Variants in DCAF6 observed in about 807,000 individuals in gnomAD.
The protein encoded by DCAF6 is DDB1- and CUL4-associated factor 6.
A neutral mutation model predicts 125.1 loss-of-function variants in DCAF6; 54 were observed. The observed-to-expected ratio is 0.43, with a 90% confidence interval of 0.35 to 0.54. The LOEUF is 0.54. Ranked by LOEUF, DCAF6 falls within the 20% of genes least tolerant of loss-of-function variation. The pLI is 0.01. For synonymous variants in DCAF6, 371 were observed against 390.4 expected (o/e 0.95, Z 0.58); for missense variants, 934 against 1,161.7 (o/e 0.80, Z 2.85).
At chr1:167,890,260 T>C in the DCAF6 span, among the ~76,000 whole-genome samples, 1 of 152,386 alleles carries the variant, frequency 6.6e-6, no homozygotes, top group South Asian at 2.1e-4. Context: ...CATATCTATA[T>C]TACAGAGCAC....
intron 14 of DCAF6, among the ~76,000 whole-genome samples, 155 bp from the exon 15 acceptor site, chr1:168,044,430 T>C (rs1688907681): frequency 6.6e-6 from 1 of 152,150 alleles, no homozygotes; most frequent in Non-Finnish European, 1.5e-5. Context: ...TAGAGATAAT[T>C]TACAGTATAA....
chr1:168,032,585 CAT>C (rs1687242775), intron 12 of DCAF6, among the ~76,000 whole-genome samples: 1 of 152,070 alleles, frequency 6.6e-6, no homozygotes, highest in South Asian at 2.1e-4. Context: ...AATATTTCAC[CAT>C]ATGTTTTATT....
chr1:167,967,499 AGT>A (rs957695797), intron 3 of DCAF6, among the ~76,000 whole-genome samples: 1 of 152,176 alleles, frequency 6.6e-6, no homozygotes, highest in African/African-American at 2.4e-5. Context: ...ATAAAAAGAA[AGT>A]GTGTGATGTT....
intron 4 of DCAF6, among the ~76,000 whole-genome samples, chr1:167,982,305 G>A (rs1679308890): frequency 6.6e-6 from 1 of 152,004 alleles, no homozygotes; most frequent in African/African-American, 2.4e-5. Context: ...GCAGTGGTGC[G>A]ATCTCGGCTC....
At chr1:167,905,573 C>A in the DCAF6 span, among the ~76,000 whole-genome samples, 1 of 150,876 alleles carries the variant, frequency 6.6e-6, no homozygotes. Flanking sequence ...CTCTCTCTAC[C>A]TTGGTCTTTT....
intron 21 of DCAF6, among the ~76,000 whole-genome samples, chr1:168,073,951 T>G (rs1693454759): frequency 6.7e-6 from 1 of 148,582 alleles, no homozygotes; most frequent in Non-Finnish European, 1.5e-5. Flanking sequence ...GTTCATTTAT[T>G]TTATAAATAT....
chr1:167,941,118 C>T (rs1672167767), intron 1 of DCAF6, among the ~76,000 whole-genome samples: 1 of 151,930 alleles, frequency 6.6e-6, no homozygotes, highest in Non-Finnish European at 1.5e-5. Flanking sequence ...TGACTTTTGC[C>T]TCTTTTTTTA....
intron 7 of DCAF6, among the ~76,000 whole-genome samples, chr1:167,996,678 A>G (rs1365615112): frequency 1.3e-5 from 2 of 152,116 alleles, no homozygotes; most frequent in Non-Finnish European, 2.9e-5. Context: ...AAGATCTTAT[A>G]TTATCTGGTC....
chr1:167,911,532 C>T, the DCAF6 span, among the ~76,000 whole-genome samples: 2 of 152,176 alleles, frequency 1.3e-5, no homozygotes, highest in Non-Finnish European at 2.9e-5. Context: ...CTACCTTTGC[C>T]TCTTTTAAAA....
rs142337092 is a variant in DCAF6, at chr1:167,951,776, A to G, written c.98-24A>G. On this transcript the variant is annotated intron_variant, in intron 1 of 21. Coordinates refer to ENST00000367840, the MANE Select transcript of DCAF6 (RefSeq NM_001198956.2). Reference sequence around the variant, plus strand: ...TTCTCAGTATTTGTGTGATTTATTTAATTTGTTCTTTCTTTTTAAACAGGA... The same window carrying G: ...TTCTCAGTATTTGTGTGATTTATTTGATTTGTTCTTTCTTTTTAAACAGGA... 1.6e-4 allele frequency: 225 copies of G among 1,439,002 alleles called. No homozygotes were observed. In the East Asian group the frequency reaches 4.2e-3, roughly 27 times the overall value. 89.1% of individuals were successfully genotyped at this position (1,439,002 alleles called of 1,614,324 possible).
chr1:168,015,314 C>G (rs1571946894), intron 10 of DCAF6, among the ~76,000 whole-genome samples: 1 of 150,412 alleles, frequency 6.6e-6, no homozygotes, highest in Admixed American at 6.6e-5. Flanking sequence ...TAGAGCTCTT[C>G]TCAATAAATT....
At position 167,951,780 on chromosome 1, in the gene DCAF6, T is replaced by A. The variant is rs1571627414; in HGVS notation, c.98-20T>A. ...CAGTATTTGTGTGATTTATTTAATT[T>A]GTTCTTTCTTTTTAAACAGGAAGAA... is the stretch of plus-strand genomic sequence containing the variant. On this transcript the variant is annotated intron_variant, in intron 1 of 21. Coordinates refer to ENST00000367840, the MANE Select transcript of DCAF6 (RefSeq NM_001198956.2). 2 of 1,472,326 alleles carry A rather than the reference T, an allele frequency of 1.4e-6. No individual in the cohort carries two copies. The highest frequency in any genetic ancestry group is 3.5e-4 in the Middle Eastern group (2 of 5,660). The allele number at this position is 1,472,326 out of a possible 1,614,324, so 91.2% of individuals were successfully genotyped here.
chr1:167,963,169 C>T lies in DCAF6; in HGVS notation c.160-3460C>T, dbSNP rs189732286. ...ATCCCAGCTACTCGGGAGGCTGAGG[C>T]GGGAGAATCGCTTGAACTCAGGAGG... On this transcript the variant is annotated intron_variant, in intron 2 of 21. Coordinates refer to ENST00000367840, the MANE Select transcript of DCAF6 (RefSeq NM_001198956.2). Among the ~76,000 whole-genome samples, 233 of 151,862 alleles carry T rather than the reference C, an allele frequency of 1.5e-3. 2 individuals are homozygous for T. Among genetic ancestry groups the T allele is most frequent in the Admixed American group, 0.013 (206 of 15,264 alleles).
chr1:167,954,506 G>T (rs6676447), intron 2 of DCAF6, among the ~76,000 whole-genome samples: 31,662 of 151,630 alleles, frequency 0.21, 3,900 homozygotes, highest in Non-Finnish European at 0.28. Flanking sequence ...AGGCTGGAGT[G>T]CAGTGGCACA....
At chr1:168,035,956 G>A (rs1263705102) in intron 12 of DCAF6, among the ~76,000 whole-genome samples, 2 of 152,098 alleles carry the variant, frequency 1.3e-5, no homozygotes, top group Non-Finnish European at 2.9e-5. Flanking sequence ...CAGCTACTCT[G>A]GAGGCTGAGG....
chr1:167,875,122 A>G, the DCAF6 span: 7 of 1,613,386 alleles, frequency 4.3e-6, no homozygotes, highest in South Asian at 6.6e-5. Flanking sequence ...ATCAAGGCCT[A>G]CTACCTACCC....
chr1:168,024,325 A>G (rs745674858), intron 12 of DCAF6, among the ~76,000 whole-genome samples: 5 of 152,160 alleles, frequency 3.3e-5, no homozygotes, highest in African/African-American at 4.8e-5. Context: ...CACTAAAGCC[A>G]TAAGATTTGG....
Position 167,987,618 on chromosome 1 carries a change from A to G in DCAF6, c.552+10A>G. 7.3e-7 allele frequency: 1 copy of G among 1,378,968 alleles called. No individual in the cohort carries two copies. The highest frequency in any genetic ancestry group is 1.0e-6 in the Non-Finnish European group (1 of 971,014). The allele number at this position is 1,378,968 out of a possible 1,614,324, so 85.4% of individuals were successfully genotyped here. A position where few individuals can be genotyped will look rare whatever the true frequency, so the allele number is the denominator to read the frequency against. On this transcript the variant is annotated intron_variant, in intron 5 of 21. Transcript: ENST00000367840. ...AGAAGATTGTAAAGATGTAAGAATT[A>G]AATTTTTATACAAATGATGCAGAAA...
the DCAF6 span, among the ~76,000 whole-genome samples, chr1:167,881,483 G>T: frequency 6.6e-6 from 1 of 152,156 alleles, no homozygotes; most frequent in Non-Finnish European, 1.5e-5. Context: ...TGACATGAAG[G>T]GGGAAACACT....
Sources: gnomAD v4.1 joint callset for allele counts (sites outside exome capture counted in the v4.1 genomes callset) on GRCh38, gnomAD v4.1.1 for gene constraint, MANE v1.5 for transcripts, NCBI Gene and HGNC (gene_info 2026-07-23, HGNC 2026-07-21) for gene names.